The following PPIE variants were observed in gnomAD, a reference collection of about 807,000 sequenced individuals.
PPIE encodes the protein peptidylprolyl isomerase E.
In PPIE, 20 loss-of-function variants were observed where a neutral mutation model predicts 38.4. The ratio of observed to expected loss-of-function variants is 0.52; its 90% CI spans 0.37 to 0.76. The LOEUF is 0.76. Among genes scored for constraint, PPIE ranks in the 30% least tolerant of loss-of-function variants. PPIE has a pLI of 0.00. For missense variants in PPIE, 322 were observed against 385.8 expected (o/e 0.83, Z 1.39); for synonymous variants, 142 against 135.7 (o/e 1.05, Z -0.32).
chr1:39,763,426 G>A (rs1445216333), intron 9 of PPIE, among the ~76,000 whole-genome samples: 6 of 107,086 alleles, frequency 5.6e-5, no homozygotes, highest in Non-Finnish European at 1.4e-4. Flanking sequence ...GCCTCCCAGA[G>A]CTGCAGTCGT....
At chr1:39,756,948 A>G (rs2124388498), downstream of PPIE, among the ~76,000 whole-genome samples, 1 of 152,314 alleles carries the variant, frequency 6.6e-6, no homozygotes, top group African/African-American at 2.4e-5. Flanking sequence ...GTTGACCTGG[A>G]TGGGCAGTTC....
intron 2 of PPIE, 101 bp from the exon 3 acceptor site, chr1:39,741,265 G>T: frequency 1.1e-6 from 1 of 941,570 alleles, no homozygotes; most frequent in Admixed American, 1.8e-5. Context: ...AGAACTTCTG[G>T]TGTTTGGATA....
rs192334116 is a variant in PPIE at position 39,744,310 on chromosome 1, T to C, written c.384+386T>C. Among the ~76,000 whole-genome samples, 295 of 152,314 alleles carry C rather than the reference T, an allele frequency of 1.9e-3. 2 individuals are homozygous for C. Among genetic ancestry groups the C allele is most frequent in the Middle Eastern group, 3.4e-3 (1 of 294 alleles). On this transcript the variant is annotated intron_variant, in intron 6 of 9. Transcript: ENST00000324379. Reference sequence around the variant, plus strand: ...CGTGGTCTTCCTATTCCTGTGCTAATGGAGGGGAGACAGAATAGGGTAGTG... The same window carrying C: ...CGTGGTCTTCCTATTCCTGTGCTAACGGAGGGGAGACAGAATAGGGTAGTG...
chr1:39,753,069 G>A lies in PPIE; in HGVS notation c.837+17G>A. On this transcript the variant is annotated intron_variant, in intron 9 of 9. Coordinates refer to ENST00000324379, the MANE Select transcript of PPIE (RefSeq NM_006112.4). Reference sequence around the variant, plus strand: ...CAAATTGAGGTATGTGGCCAGGAATGGGCCTCCTCCTTACCCAGGCCCTAG... The same window carrying A: ...CAAATTGAGGTATGTGGCCAGGAATAGGCCTCCTCCTTACCCAGGCCCTAG... 1 of 1,613,962 alleles carries A rather than the reference G, an allele frequency of 6.2e-7. No homozygotes were observed. The highest frequency in any genetic ancestry group is 1.3e-5 in the African/African-American group (1 of 75,046).
In PPIE at chr1:39,753,430, G is replaced by C; in HGVS notation, c.*75G>C. 1.9e-6 allele frequency: 3 copies of C among 1,580,580 alleles called. No individual in the cohort carries two copies. Among genetic ancestry groups the C allele is most frequent in the Admixed American group, 3.6e-5 (2 of 56,298 alleles). On this transcript the variant is annotated 3_prime_UTR_variant, in exon 10 of 10. Coordinates refer to ENST00000324379, the MANE Select transcript of PPIE (RefSeq NM_006112.4). ...GAAGGAACTGCCAGCCTCAGAGGAG[G>C]CAGCACCGAGGGTGCCTGTTTGAAG...
At chr1:39,760,295 T>G, downstream of PPIE, 1 of 1,436,074 alleles carries the variant, frequency 7.0e-7, no homozygotes, top group Non-Finnish European at 9.4e-7. Context: ...GTCATGTACG[T>G]GGTTGTGAGG....
chr1:39,761,992 C>T (rs1383261313), intron 9 of PPIE, among the ~76,000 whole-genome samples: 4 of 152,224 alleles, frequency 2.6e-5, no homozygotes, highest in Non-Finnish European at 5.9e-5. Context: ...CAGATGCAGT[C>T]ACCTTCCCGC....
At chr1:39,747,092 G>C (rs1387062630) in intron 7 of PPIE, 3 of 152,134 alleles carry the variant, frequency 2.0e-5, no homozygotes, top group Non-Finnish European at 4.4e-5. Context: ...ATTTTGCATA[G>C]CATAATGCTT....
chr1:39,751,904 C>T (rs934613294), intron 8 of PPIE, among the ~76,000 whole-genome samples: 1 of 152,000 alleles, frequency 6.6e-6, no homozygotes, highest in Non-Finnish European at 1.5e-5. Context: ...TCGAGACCAG[C>T]CTGGGCAACA....
downstream of PPIE, chr1:39,760,630 C>T (rs1648824047): frequency 3.2e-6 from 5 of 1,554,108 alleles, no homozygotes; most frequent in Admixed American, 9.3e-5. Context: ...AGGACCCACC[C>T]AGCCCCACCC....
chr1:39,762,993 G>A, intron 9 of PPIE: 1 of 1,410,430 alleles, frequency 7.1e-7, no homozygotes, highest in South Asian at 1.2e-5. Flanking sequence ...CTGAGACGCG[G>A]AGCAGGTGGC....
Position 39,745,485 on chromosome 1 carries a change from G to A in PPIE, c.495G>A (p.Val165=), listed in dbSNP as rs1459483739. 6 of 1,614,084 alleles carry A rather than the reference G, an allele frequency of 3.7e-6. No individual in the cohort carries two copies. Among genetic ancestry groups the A allele is most frequent in the Non-Finnish European group, 5.1e-6 (6 of 1,180,050 alleles). ...AGATGCTCCTGCGTTCTGATGTCGTGCCCATGACAGCAGGTGAGCAGGACG... is the reference window on the plus strand; with the variant it reads ...AGATGCTCCTGCGTTCTGATGTCGTACCCATGACAGCAGGTGAGCAGGACG... The part of the protein sequence containing the change: ...RIQMLLRSDV[V]PMTAENFRCL... The change falls in exon 7 of 10, where the codon GTG becomes GTA. Residue 165 remains valine (V), a synonymous_variant. Coordinates refer to ENST00000324379, the MANE Select transcript of PPIE (RefSeq NM_006112.4).
At chr1:39,750,548 C>A (rs894369475) in intron 8 of PPIE, among the ~76,000 whole-genome samples, 5 of 152,172 alleles carry the variant, frequency 3.3e-5, no homozygotes, top group Admixed American at 2.0e-4. Context: ...GTGAGCAGTT[C>A]CTTTGAGTAT....
chr1:39,744,062 A>G, intron 6 of PPIE, 138 bp downstream of exon 6: 1 of 598,710 alleles, frequency 1.7e-6, no homozygotes, highest in Non-Finnish European at 2.9e-6. Flanking sequence ...GTACTTTGGT[A>G]AAGTCAATAT....
Position 39,741,414 on chromosome 1 carries a change from G to C in PPIE, c.174+5G>C. ...GTTGAATTTGAGTTGGCAGAGGTGAGAGTCTGTGTTACTAGTGTCTAGTCC... is the reference window on the plus strand; with the variant it reads ...GTTGAATTTGAGTTGGCAGAGGTGACAGTCTGTGTTACTAGTGTCTAGTCC... On this transcript the variant is annotated splice_donor_5th_base_variant and intron_variant, in intron 3 of 9. Transcript: ENST00000324379. 6.2e-7 allele frequency: 1 copy of C among 1,613,902 alleles called. No individual in the cohort carries two copies. Among genetic ancestry groups the C allele is most frequent in the Non-Finnish European group, 8.5e-7 (1 of 1,179,808 alleles).
At chr1:39,742,608 C>G (rs1300143274) in intron 4 of PPIE, 1 of 148,780 alleles carries the variant, frequency 6.7e-6, no homozygotes, top group African/African-American at 2.5e-5. Flanking sequence ...CTACCTGTTA[C>G]ATTTCTTTCT....
rs141484398 is a variant in PPIE at position 39,744,813 on chromosome 1, T to C, written c.385-562T>C. On this transcript the variant is annotated intron_variant, in intron 6 of 9. Coordinates refer to ENST00000324379, the MANE Select transcript of PPIE (RefSeq NM_006112.4). ...CAGTCAGTGGAGTCCCCCTGGATCA[T>C]CCTGTATCCTCTGCTTAGTCTTACC... Among the ~76,000 whole-genome samples the C allele has an allele frequency of 4.5e-4, 69 of 152,316 alleles. No homozygotes were observed. In the East Asian group the frequency reaches 0.012, roughly 27 times the overall value.
At chr1:39,752,800 A>C in intron 8 of PPIE, 110 bp from the exon 9 acceptor site, 1 of 1,335,746 alleles carries the variant, frequency 7.5e-7, no homozygotes, top group Admixed American at 2.4e-5. Context: ...TGATCTGTGC[A>C]TCCCCGAGTC....
At position 39,745,456 on chromosome 1, in the gene PPIE, A is replaced by G. The variant is rs1463864979; in HGVS notation, c.466A>G (p.Ile156Val). The change falls in exon 7 of 10, where the codon ATC becomes GTC. Residue 156 changes from isoleucine to valine, a missense_variant. By Grantham distance (29) the Ile-to-Val change is conservative. Transcript: ENST00000324379. ...IKIGNKPAGR[I>V]QMLLRSDVVP... ...GATTGGGAACAAGCCGGCTGGCCGCATCCAGATGCTCCTGCGTTCTGATGT... is the reference window on the plus strand; with the variant it reads ...GATTGGGAACAAGCCGGCTGGCCGCGTCCAGATGCTCCTGCGTTCTGATGT... 6.2e-7 allele frequency: 1 copy of G among 1,614,136 alleles called. No homozygotes were observed. Among genetic ancestry groups the G allele is most frequent in the Non-Finnish European group, 8.5e-7 (1 of 1,180,052 alleles).
Sources: gnomAD v4.1 joint callset for allele counts (sites outside exome capture counted in the v4.1 genomes callset) on GRCh38, gnomAD v4.1.1 for gene constraint, MANE v1.5 for transcripts, NCBI Gene and HGNC (gene_info 2026-07-23, HGNC 2026-07-21) for gene names.